FCHSD2: variants seen among roughly 807,000 people sequenced by gnomAD.
The protein encoded by FCHSD2 is FCH and double SH3 domains 2.
FCHSD2 carries 38 observed loss-of-function variants against 108.1 expected under a neutral mutation model. The observed-to-expected ratio is 0.35, with a 90% CI of 0.27 to 0.46. The LOEUF is 0.46. Among genes scored for constraint, FCHSD2 ranks in the 20% least tolerant of loss-of-function variants. The probability of loss-of-function intolerance (pLI) is 1.00; values close to 1 mark genes in which losing one functional copy is unlikely to be tolerated. For missense variants in FCHSD2, 751 were observed against 897.8 expected (o/e 0.84, Z 2.09); for synonymous variants, 279 against 314.7 (o/e 0.89, Z 1.20).
At chr11:72,954,321 A>G (rs1856673794) in intron 8 of FCHSD2, among the ~76,000 whole-genome samples, 1 of 150,008 alleles carries the variant, frequency 6.7e-6, no homozygotes, top group Admixed American at 6.7e-5. Context: ...CAATTCTCTC[A>G]ACTCAGCCTC....
At chr11:72,969,974 G>C (rs1856979585) in intron 8 of FCHSD2, among the ~76,000 whole-genome samples, 1 of 152,146 alleles carries the variant, frequency 6.6e-6, no homozygotes, top group Non-Finnish European at 1.5e-5. Context: ...CTGTGACTAA[G>C]CACCTCAGTG....
chr11:72,842,259 A>C (rs757491196), intron 17 of FCHSD2, among the ~76,000 whole-genome samples: 32 of 152,236 alleles, frequency 2.1e-4, no homozygotes, highest in African/African-American at 2.4e-4. Flanking sequence ...AGGGAGAGAG[A>C]GAGCCAGCTA....
At chr11:73,051,268 T>A (rs189953401) in intron 3 of FCHSD2, among the ~76,000 whole-genome samples, 2 of 152,104 alleles carry the variant, frequency 1.3e-5, no homozygotes, top group African/African-American at 2.4e-5. Flanking sequence ...TGAGCCAAGA[T>A]TGCATTATTG....
chr11:73,086,214 G>T (rs569236777), intron 2 of FCHSD2, among the ~76,000 whole-genome samples: 2 of 152,228 alleles, frequency 1.3e-5, no homozygotes, highest in African/African-American at 4.8e-5. Context: ...TTTAAGACAG[G>T]CCTGGCCAAC....
chr11:72,904,341 T>C (rs533171004), intron 9 of FCHSD2, among the ~76,000 whole-genome samples: 2 of 152,358 alleles, frequency 1.3e-5, no homozygotes, highest in South Asian at 4.1e-4. Context: ...CTCAAAACTA[T>C]TAACCTTTTT....
intron 3 of FCHSD2, among the ~76,000 whole-genome samples, chr11:73,077,291 C>T (rs1457457986): frequency 3.3e-5 from 5 of 151,466 alleles, no homozygotes; most frequent in Non-Finnish European, 7.4e-5. Flanking sequence ...ATACAGATGG[C>T]AAATAAACAC....
chr11:73,122,151 T>G (rs1030433294), intron 2 of FCHSD2, among the ~76,000 whole-genome samples: 31 of 152,190 alleles, frequency 2.0e-4, no homozygotes, highest in Admixed American at 3.3e-4. Flanking sequence ...ACCAGAGTTT[T>G]TTGTTGTTGT....
chr11:73,051,978 G>C (rs1042121823), intron 3 of FCHSD2, among the ~76,000 whole-genome samples: 1 of 151,740 alleles, frequency 6.6e-6, no homozygotes, highest in Non-Finnish European at 1.5e-5. Flanking sequence ...AATATTCAGT[G>C]AATCTGCAAT....
chr11:72,876,149 A>C (rs1181245120), intron 12 of FCHSD2, among the ~76,000 whole-genome samples: 1 of 152,030 alleles, frequency 6.6e-6, no homozygotes, highest in Non-Finnish European at 1.5e-5. Flanking sequence ...AAATAGCAAG[A>C]CCCTATCTCT....
chr11:72,921,726 T>A (rs139877831), intron 9 of FCHSD2, 102 bp downstream of exon 9: 1 of 889,576 alleles, frequency 1.1e-6, no homozygotes, highest in African/African-American at 1.7e-5. Flanking sequence ...TGTTCGTTAA[T>A]GCATTCTTCT....
chr11:73,019,544 A>G (rs762557456), intron 3 of FCHSD2, among the ~76,000 whole-genome samples: 1 of 152,196 alleles, frequency 6.6e-6, no homozygotes, highest in Non-Finnish European at 1.5e-5. Flanking sequence ...GCTAAACTGT[A>G]TTAAACTGAA....
At chr11:73,068,827 A>AAAG (rs1555083187) in intron 3 of FCHSD2, among the ~76,000 whole-genome samples, 1 of 149,850 alleles carries the variant, frequency 6.7e-6, no homozygotes, top group Non-Finnish European at 1.5e-5. Flanking sequence ...AAAAAAAAAA[A>AAAG]AAAAAGAAAA....
At chr11:73,035,197 TGTATGTAC>T (rs201980141) in intron 3 of FCHSD2, among the ~76,000 whole-genome samples, 43,790 of 147,554 alleles carry the variant, frequency 0.3, 7,203 homozygotes, top group Non-Finnish European at 0.36. Flanking sequence ...TATGTATGTA[TGTATGTAC>T]GTACTAAGAC....
In FCHSD2 at chr11:72,920,066, T is replaced by C. The variant is rs568727293; in HGVS notation, c.828+1762A>G. Among the ~76,000 whole-genome samples, 28 of 151,792 alleles carry C rather than the reference T, an allele frequency of 1.8e-4. No individual in the cohort carries two copies. In the East Asian group the frequency reaches 3.5e-3, roughly 19 times the overall value. ...AAAGACTGAAAATATAGGATCTAAA[T>C]AGAAAAAGAAGCTTGAGAAAGAACA... On this transcript the variant is annotated intron_variant, in intron 9 of 19. Coordinates refer to ENST00000409418, the MANE Select transcript of FCHSD2 (RefSeq NM_014824.3).
At chr11:72,880,392 C>T (rs1269284784) in intron 12 of FCHSD2, among the ~76,000 whole-genome samples, 1 of 152,054 alleles carries the variant, frequency 6.6e-6, no homozygotes, top group Non-Finnish European at 1.5e-5. Context: ...ATGGTATTGT[C>T]ACAAATACAG....
intron 2 of FCHSD2, among the ~76,000 whole-genome samples, chr11:73,088,313 T>C (rs898610086): frequency 2.0e-5 from 3 of 152,196 alleles, no homozygotes; most frequent in South Asian, 2.1e-4. Flanking sequence ...CTAGGAGCAA[T>C]AGGCTATATC....
At chr11:72,960,593 T>C (rs570602438) in intron 8 of FCHSD2, among the ~76,000 whole-genome samples, 33 of 152,338 alleles carry the variant, frequency 2.2e-4, no homozygotes, top group African/African-American at 7.5e-4. Context: ...ATGCAGCTGC[T>C]ATTAATTTCT....
chr11:73,062,572 A>G (rs1859193094), intron 3 of FCHSD2, among the ~76,000 whole-genome samples: 1 of 152,214 alleles, frequency 6.6e-6, no homozygotes, highest in Non-Finnish European at 1.5e-5. Flanking sequence ...TAACTAGAAT[A>G]ACCAGTGTAG....
chr11:72,967,124 C>T (rs182284608), intron 8 of FCHSD2, among the ~76,000 whole-genome samples: 1 of 150,796 alleles, frequency 6.6e-6, no homozygotes, highest in East Asian at 1.9e-4. Context: ...GGCGTGAACC[C>T]GGGAGGCAGA....
Sources: allele counts gnomAD v4.1 joint callset (sites outside exome capture counted in the v4.1 genomes callset), GRCh38; gene constraint gnomAD v4.1.1; transcripts MANE v1.5; gene names NCBI Gene and HGNC (gene_info 2026-07-23, HGNC 2026-07-21).